The following ATP9A variants were observed in gnomAD, a reference collection of about 807,000 sequenced individuals.
The protein encoded by ATP9A is probable phospholipid-transporting ATPase IIA.
ATP9A carries 52 observed loss-of-function variants against 144.1 expected under a neutral mutation model. The ratio of observed to expected loss-of-function variants is 0.36; its 90% CI spans 0.29 to 0.45. The LOEUF is 0.45. Ranked by LOEUF, ATP9A falls within the 20% of genes least tolerant of loss-of-function variation. The pLI, the probability that ATP9A is intolerant of heterozygous loss-of-function variation, is 1.00. For missense variants in ATP9A, 947 were observed against 1,392.7 expected (o/e 0.68, Z 5.09); for synonymous variants, 582 against 557.4 (o/e 1.04, Z -0.62).
intron 23 of ATP9A, 142 bp from the exon 24 acceptor site, chr20:51,610,307 T>C: frequency 1.6e-6 from 1 of 643,044 alleles, no homozygotes; most frequent in Non-Finnish European, 2.7e-6. Flanking sequence ...GCTCATTTCA[T>C]TCTCACAACA....
chr20:51,672,353 AC>A (rs1226303717), intron 11 of ATP9A, among the ~76,000 whole-genome samples: 2 of 152,268 alleles, frequency 1.3e-5, no homozygotes, highest in African/African-American at 4.8e-5. Flanking sequence ...CATCCTATAA[AC>A]TAATCAAACT....
intron 1 of ATP9A, among the ~76,000 whole-genome samples, chr20:51,753,150 G>T (rs960673251): frequency 1.3e-5 from 2 of 152,020 alleles, no homozygotes; most frequent in Non-Finnish European, 2.9e-5. Flanking sequence ...AACATTACTT[G>T]TAAAGTGAAA....
At chr20:51,633,031 G>A (rs543312462) in intron 15 of ATP9A, among the ~76,000 whole-genome samples, 2 of 152,190 alleles carry the variant, frequency 1.3e-5, no homozygotes, top group East Asian at 3.9e-4. Flanking sequence ...GGCTGAGGCA[G>A]GAGAATCACT....
intron 1 of ATP9A, among the ~76,000 whole-genome samples, chr20:51,754,313 C>A (rs1366816660): frequency 6.6e-6 from 1 of 151,976 alleles, no homozygotes; most frequent in Non-Finnish European, 1.5e-5. Flanking sequence ...ACCAGCCTGA[C>A]CAACATGGAG....
intron 15 of ATP9A, among the ~76,000 whole-genome samples, chr20:51,637,755 G>A (rs1229369153): frequency 1.3e-5 from 2 of 150,722 alleles, no homozygotes; most frequent in African/African-American, 4.9e-5. Flanking sequence ...TTGGTTATAT[G>A]AGTAAGTTTT....
Position 51,754,642 on chromosome 20 carries a change from T to C in ATP9A, c.68+13660A>G, listed in dbSNP as rs533797843. 1.6e-4 allele frequency among the ~76,000 whole-genome samples: 23 copies of C among 143,192 alleles called. 1 individual carries two copies. In the East Asian group the frequency reaches 4.9e-3, roughly 30 times the overall value. The allele number at this position is 143,192 out of a possible 152,430, so 93.9% of individuals were successfully genotyped here. On this transcript the variant is annotated intron_variant, in intron 1 of 27. Coordinates refer to ENST00000338821, the MANE Select transcript of ATP9A (RefSeq NM_006045.3). ...CAGCCTGGCCAACATGGCTAAACCCTGTGTCTACTAAAAATACAAAAAAAA... is the reference window on the plus strand; with the variant it reads ...CAGCCTGGCCAACATGGCTAAACCCCGTGTCTACTAAAAATACAAAAAAAA...
intron 13 of ATP9A, among the ~76,000 whole-genome samples, chr20:51,668,120 G>A (rs1404349350): frequency 2.2e-5 from 1 of 45,922 alleles, no homozygotes; most frequent in African/African-American, 5.8e-5. Context: ...CTGGGAGTGG[G>A]CGAGGGGCTG....
In ATP9A at chr20:51,662,996, C is replaced by T. The variant is rs540213720; in HGVS notation, c.1294-5846G>A. On this transcript the variant is annotated intron_variant, in intron 13 of 27. Transcript: ENST00000338821. ...GAGGCAGAAGAATCGCTTGAACCCA[C>T]GAGGCAGAGGTTGCAGTGAGCCAAG... Among the ~76,000 whole-genome samples, 348 of 151,656 alleles carry T rather than the reference C, an allele frequency of 2.3e-3. 1 individual carries two copies. Among genetic ancestry groups the T allele is most frequent in the Non-Finnish European group, 4.2e-3 (282 of 67,882 alleles).
In ATP9A at chr20:51,599,294, A is replaced by AACGG. The variant is rs1201647577; in HGVS notation, c.*1916_*1917insCCGT. 1 of 152,242 alleles carries AACGG rather than the reference A, an allele frequency of 6.6e-6. No homozygotes were observed. The highest frequency in any genetic ancestry group is 1.5e-5 in the Non-Finnish European group (1 of 68,052). 9.4% of individuals were successfully genotyped at this position (152,242 alleles called of 1,614,324 possible). On this transcript the variant is annotated 3_prime_UTR_variant, in exon 28 of 28. Transcript: ENST00000338821. Reference sequence around the variant, plus strand: ...GCAAAGTCTAAATGGGACTATCTTAAGACTTGCCAGTGTTACAGACTGATT... The same window carrying AACGG: ...GCAAAGTCTAAATGGGACTATCTTAAACGGGACTTGCCAGTGTTACAGACTGATT...
chr20:51,676,224 G>GAAAAAAAAAAAAA lies in ATP9A; in HGVS notation c.800-29_800-17dup. 8.2e-7 allele frequency: 1 copy of GAAAAAAAAAAAAA among 1,223,424 alleles called. No individual in the cohort carries two copies. The highest frequency in any genetic ancestry group is 1.1e-6 in the Non-Finnish European group (1 of 893,824). The allele number at this position is 1,223,424 out of a possible 1,614,324, so 75.8% of individuals were successfully genotyped here. On this transcript the variant is annotated splice_polypyrimidine_tract_variant and intron_variant, in intron 9 of 27. Coordinates refer to ENST00000338821, the MANE Select transcript of ATP9A (RefSeq NM_006045.3). Reference sequence around the variant, plus strand: ...ACAACAGTACCTAAAATGGAAAAAAGAAAAAAAAAAAAAGAAAAGAAATAT... The same window carrying GAAAAAAAAAAAAA: ...ACAACAGTACCTAAAATGGAAAAAAGAAAAAAAAAAAAAAAAAAAAAAAAAAGAAAAGAAATAT...
intron 4 of ATP9A, among the ~76,000 whole-genome samples, chr20:51,699,804 G>C (rs1363430099): frequency 6.6e-6 from 1 of 151,968 alleles, no homozygotes; most frequent in East Asian, 1.9e-4. Context: ...CACCAAGACT[G>C]GCTAATTTTT....
intron 2 of ATP9A, among the ~76,000 whole-genome samples, chr20:51,729,577 T>C (rs943039018): frequency 1.3e-5 from 2 of 152,064 alleles, no homozygotes; most frequent in Non-Finnish European, 2.9e-5. Flanking sequence ...AAACCCCATC[T>C]CTACTAAAAA....
chr20:51,731,900 C>T (rs540115821), intron 1 of ATP9A, among the ~76,000 whole-genome samples: 105 of 152,084 alleles, frequency 6.9e-4, no homozygotes, highest in South Asian at 8.3e-4. Context: ...AAAGGGGGAG[C>T]GGGGGAATCT....
intron 15 of ATP9A, among the ~76,000 whole-genome samples, chr20:51,632,681 T>A (rs2077274558): frequency 6.6e-6 from 1 of 152,026 alleles, no homozygotes; most frequent in Non-Finnish European, 1.5e-5. Context: ...AGGGGAGAAC[T>A]AGTCCAAAAG....
chr20:51,615,567 G>A (rs184615529), intron 22 of ATP9A, among the ~76,000 whole-genome samples: 1 of 152,258 alleles, frequency 6.6e-6, no homozygotes, highest in Admixed American at 6.5e-5. Context: ...AAAATGTTGA[G>A]AGAATAACCA....
chr20:51,754,451 T>C (rs1004054788), intron 1 of ATP9A, among the ~76,000 whole-genome samples: 1 of 149,378 alleles, frequency 6.7e-6, no homozygotes, highest in African/African-American at 2.5e-5. Flanking sequence ...TATGGTGAGC[T>C]GAGATTGCGC....
At chr20:51,641,914 G>A (rs1430055156) in intron 14 of ATP9A, among the ~76,000 whole-genome samples, 1 of 150,116 alleles carries the variant, frequency 6.7e-6, no homozygotes, top group Non-Finnish European at 1.5e-5. Context: ...CCTACCTGCA[G>A]CCCCTGTCAA....
chr20:51,657,203 G>A, intron 13 of ATP9A, 53 bp from the exon 14 acceptor site: 2 of 1,487,142 alleles, frequency 1.3e-6, no homozygotes, highest in Non-Finnish European at 1.9e-6. Context: ...GAATGATTTG[G>A]AGAGTGGAAG....
chr20:51,638,557 C>T (rs1601074046), intron 15 of ATP9A, among the ~76,000 whole-genome samples: 1 of 151,972 alleles, frequency 6.6e-6, no homozygotes, highest in African/African-American at 2.4e-5. Flanking sequence ...GTGTGATCTC[C>T]GTGGGTAAAA....
Sources: gnomAD v4.1 joint callset for allele counts (sites outside exome capture counted in the v4.1 genomes callset) on GRCh38, gnomAD v4.1.1 for gene constraint, MANE v1.5 for transcripts, NCBI Gene and HGNC (gene_info 2026-07-23, HGNC 2026-07-21) for gene names.